Variants in AP3D1 observed in about 807,000 individuals in gnomAD.
AP3D1 encodes the protein adaptor related protein complex 3 subunit delta 1.
AP3D1 carries 51 observed loss-of-function variants against 147.6 expected under a neutral mutation model. The ratio of observed to expected loss-of-function variants is 0.35; its 90% CI spans 0.28 to 0.44. The LOEUF is 0.44. Ranked by LOEUF, AP3D1 falls within the 20% of genes least tolerant of loss-of-function variation. The pLI is 1.00. For synonymous variants in AP3D1, 760 were observed against 663.0 expected, an observed-to-expected ratio of 1.15 and a Z score of -2.25; for missense variants, 1,421 against 1,624.2, an observed-to-expected ratio of 0.87 and a Z score of 2.15.
intron 9 of AP3D1, among the ~76,000 whole-genome samples, chr19:2,126,899 G>C (rs542181346): frequency 1.5e-4 from 23 of 152,186 alleles, no homozygotes; most frequent in African/African-American, 5.5e-4. Flanking sequence ...AGAGTGGCTG[G>C]GCCACCAGGC....
In AP3D1 at chr19:2,127,310, G is replaced by A. The variant is rs113627721; in HGVS notation, c.807-109C>T. 3.0e-4 allele frequency: 368 copies of A among 1,224,078 alleles called. 1 individual carries two copies. In the African/African-American group the frequency reaches 3.5e-3, roughly 12 times the overall value. The allele number at this position is 1,224,078 out of a possible 1,614,324, so 75.8% of individuals were successfully genotyped here. A position where few individuals can be genotyped will look rare whatever the true frequency, so the allele number is the denominator to read the frequency against. On this transcript the variant is annotated intron_variant, in intron 8 of 31. Coordinates refer to ENST00000643116, the MANE Select transcript of AP3D1 (RefSeq NM_001261826.3). ...GACGGCCTCCGCCCCACGGCTCAGG[G>A]AGTGTGCCCCAGGAGGGAGCCCGTG... is the stretch of plus-strand genomic sequence containing the variant.
chr19:2,129,533 G>T, intron 6 of AP3D1, 76 bp from the exon 7 acceptor site: 1 of 1,519,638 alleles, frequency 6.6e-7, no homozygotes, highest in South Asian at 1.3e-5. Context: ...CCTGGCCCGC[G>T]AGGAAGTTCT....
At position 2,112,749 on chromosome 19, in the gene AP3D1, CGA is replaced by C. The variant is rs1310537361; in HGVS notation, c.2787+109_2787+110del. 11 of 757,610 alleles carry C rather than the reference CGA, an allele frequency of 1.5e-5. No homozygotes were observed. In the African/African-American group the frequency reaches 1.8e-4, roughly 12 times the overall value. 46.9% of individuals were successfully genotyped at this position (757,610 alleles called of 1,614,324 possible). ...GCCCGTGAGAACGCCAACACAAATG[CGA>C]GAGCAGGGCTGCCCTGGGACCTGGG... On this transcript the variant is annotated intron_variant, in intron 24 of 31. Transcript: ENST00000643116.
intron 4 of AP3D1, among the ~76,000 whole-genome samples, chr19:2,132,829 G>A (rs990706183): frequency 1.3e-5 from 2 of 152,212 alleles, no homozygotes; most frequent in African/African-American, 2.4e-5. Flanking sequence ...GCGCGGCTGG[G>A]AACAGTGAGG....
At position 2,115,551 on chromosome 19, in the gene AP3D1, G is replaced by A. The variant is rs777914626; in HGVS notation, c.2136C>T (p.Pro712=). ...IPVVQIDLSV[P]LKVPGLPMSD... ...GGAGACACTTGCCTGGAACCTTCAA[G>A]GGGACGGAGAGGTCAATCTGCACCA... Residue 712 remains proline (P), a synonymous_variant, in exon 19 of 32, where the codon CCC becomes CCT. Transcript: ENST00000643116. 2 of 1,613,280 alleles carry A rather than the reference G, an allele frequency of 1.2e-6. No individual in the cohort carries two copies. The highest frequency in any genetic ancestry group is 1.7e-6 in the Non-Finnish European group (2 of 1,179,850).
At position 2,111,335 on chromosome 19, in the gene AP3D1, G is replaced by A. The variant is rs761052913; in HGVS notation, c.2938-3C>T. On this transcript the variant is annotated splice_region_variant and splice_polypyrimidine_tract_variant and intron_variant, in intron 25 of 31. Transcript: ENST00000643116. Reference sequence around the variant, plus strand: ...AGGAGGGAGTAGCTGGACTCAGGCTGGAAATAGAAAAGGCGCATCAGCCTT... The same window carrying A: ...AGGAGGGAGTAGCTGGACTCAGGCTAGAAATAGAAAAGGCGCATCAGCCTT... 5.6e-6 allele frequency: 9 copies of A among 1,613,850 alleles called. No homozygotes were observed. Among genetic ancestry groups the A allele is most frequent in the East Asian group, 2.2e-5 (1 of 44,900 alleles).
chr19:2,146,256 T>C (rs2019353400), intron 1 of AP3D1, among the ~76,000 whole-genome samples: 1 of 152,120 alleles, frequency 6.6e-6, no homozygotes, highest in Admixed American at 6.5e-5. Context: ...GTGATAAAAC[T>C]ACAAGCAAGT....
chr19:2,121,397 G>A, intron 12 of AP3D1, 86 bp from the exon 13 acceptor site: 2 of 1,491,324 alleles, frequency 1.3e-6, no homozygotes, highest in Non-Finnish European at 1.8e-6. Context: ...TCCTGAGACA[G>A]AATCCACGGG....
upstream of AP3D1, among the ~76,000 whole-genome samples, chr19:2,153,648 C>G (rs969948724): frequency 4.7e-5 from 7 of 149,708 alleles, no homozygotes; most frequent in Non-Finnish European, 1.0e-4. Context: ...ACACTCAAGC[C>G]TGGGAGACAG....
At chr19:2,117,466 TG>T in intron 15 of AP3D1, 99 bp from the exon 16 acceptor site, 1 of 1,313,186 alleles carries the variant, frequency 7.6e-7, no homozygotes, top group Non-Finnish European at 1.0e-6. Flanking sequence ...CAGTGACGTG[TG>T]GGCCCCCTGG....
chr19:2,125,889 G>C (rs1023718282), intron 9 of AP3D1, among the ~76,000 whole-genome samples: 1 of 151,612 alleles, frequency 6.6e-6, no homozygotes, highest in African/African-American at 2.4e-5. Context: ...ACTCAGGCCT[G>C]TAATCCCATC....
intron 8 of AP3D1, among the ~76,000 whole-genome samples, chr19:2,128,083 G>A (rs899779675): frequency 3.2e-4 from 48 of 152,322 alleles, no homozygotes; most frequent in African/African-American, 1.1e-3. Context: ...GAAAGTCATG[G>A]CGATGACGCC....
chr19:2,161,156 T>C, intron 1 of AP3D1, among the ~76,000 whole-genome samples: 1 of 122,802 alleles, frequency 8.1e-6, no homozygotes, highest in East Asian at 2.2e-4. Context: ...CTTCTCCTAG[T>C]TTTTTTTTTT....
chr19:2,160,561 C>G (rs1326206532), intron 1 of AP3D1, among the ~76,000 whole-genome samples: 1 of 151,914 alleles, frequency 6.6e-6, no homozygotes, highest in African/African-American at 2.4e-5. Context: ...GGCGGAGATA[C>G]AGGTTGCCAC....
upstream of AP3D1, among the ~76,000 whole-genome samples, chr19:2,154,254 A>ATATT (rs1479672733): frequency 1.3e-5 from 2 of 149,200 alleles, no homozygotes; most frequent in Non-Finnish European, 1.5e-5. Context: ...AGCCTCAGAA[A>ATATT]TATTTATTTA....
chr19:2,124,989 T>A (rs753775399), intron 9 of AP3D1, among the ~76,000 whole-genome samples: 1 of 152,114 alleles, frequency 6.6e-6, no homozygotes, highest in Non-Finnish European at 1.5e-5. Flanking sequence ...CAGGGACTTG[T>A]GGGAGGTGGG....
intron 22 of AP3D1, among the ~76,000 whole-genome samples, 194 bp from the exon 23 acceptor site, chr19:2,113,607 G>A (rs985868859): frequency 3.3e-5 from 5 of 152,174 alleles, no homozygotes; most frequent in Non-Finnish European, 5.9e-5. Flanking sequence ...TCTGGCTTTC[G>A]CTGCCAGAAG....
Position 2,109,020 on chromosome 19 carries a change from T to C in AP3D1, c.3472+66A>G, listed in dbSNP as rs2072306. On this transcript the variant is annotated intron_variant, in intron 30 of 31. Coordinates refer to ENST00000643116, the MANE Select transcript of AP3D1 (RefSeq NM_001261826.3). ...GGGAGGGCCACAGGCCCGGCTCCAA[T>C]AGGAAGGGACAGCTGCCGCGTGCGT... 396,770 of 1,586,192 alleles carry C rather than the reference T, an allele frequency of 0.25. 53,302 individuals carry two copies. Among genetic ancestry groups the C allele is most frequent in the African/African-American group, 0.48 (34,963 of 73,208 alleles).
At chr19:2,102,995 A>T (rs1251781689) in intron 31 of AP3D1, among the ~76,000 whole-genome samples, 1 of 149,904 alleles carries the variant, frequency 6.7e-6, no homozygotes, top group Non-Finnish European at 1.5e-5. Context: ...CGGATGGCTC[A>T]TGCCTGTGGT....
Sources: allele counts gnomAD v4.1 joint callset (sites outside exome capture counted in the v4.1 genomes callset), GRCh38; gene constraint gnomAD v4.1.1; transcripts MANE v1.5; gene names NCBI Gene and HGNC (gene_info 2026-07-23, HGNC 2026-07-21).